The following VSX2 variants were observed in gnomAD, a reference collection of about 807,000 sequenced individuals.
VSX2 encodes visual system homeobox 2.
A neutral mutation model predicts 32.1 loss-of-function variants in VSX2; 28 were observed. That is an observed-to-expected ratio of 0.87 (90% CI 0.65 to 1.20). The LOEUF (loss-of-function observed/expected upper bound fraction) is 1.20. Ranked by LOEUF, VSX2 falls within the 50% of genes most tolerant of loss-of-function variation. The pLI, the probability that VSX2 is intolerant of heterozygous loss-of-function variation, is 0.00. For missense variants in VSX2, 506 were observed against 488.7 expected, an observed-to-expected ratio of 1.04 and a Z score of -0.33; for synonymous variants, 243 against 214.1, an observed-to-expected ratio of 1.14 and a Z score of -1.18.
intron 1 of VSX2, among the ~76,000 whole-genome samples, chr14:74,240,150 G>A (rs2079139909): frequency 6.6e-6 from 1 of 152,206 alleles, no homozygotes; most frequent in Non-Finnish European, 1.5e-5. Flanking sequence ...GGGCGGCCGC[G>A]CAGTTCTCCA....
intron 3 of VSX2, among the ~76,000 whole-genome samples, chr14:74,254,784 A>ATTTTTTTTTTTTTTTTTTTTTTT (rs537753574): frequency 0.056 from 6,471 of 115,476 alleles, 1,104 homozygotes; most frequent in East Asian, 0.099. Context: ...CGAAAAGTGG[A>ATTTTTTTTTTTTTTTTTTTTTTT]TTTTTTTTTT....
chr14:74,245,532 G>A (rs2079186914), intron 3 of VSX2, among the ~76,000 whole-genome samples: 1 of 152,150 alleles, frequency 6.6e-6, no homozygotes, highest in Non-Finnish European at 1.5e-5. Context: ...CGGGGAGTAT[G>A]TCAGACAGAC....
rs45608043 is a variant in VSX2, at chr14:74,261,774, G to A, written c.*855G>A. On this transcript the variant is annotated 3_prime_UTR_variant, in exon 5 of 5. Coordinates refer to ENST00000261980, the MANE Select transcript of VSX2 (RefSeq NM_182894.3). ...TCCAAACCTTCTACCCTGGGTCCTC[G>A]GGCCCCTGAGCCTGTGTCCTGAAGA... 4.2e-3 allele frequency: 644 copies of A among 152,444 alleles called. 5 individuals carry two copies. Among genetic ancestry groups the A allele is most frequent in the Non-Finnish European group, 7.0e-3 (477 of 68,184 alleles). The allele number at this position is 152,444 out of a possible 1,614,324, so 9.4% of individuals were successfully genotyped here.
At chr14:74,259,037 G>T (rs899243056) in intron 3 of VSX2, among the ~76,000 whole-genome samples, 1 of 152,196 alleles carries the variant, frequency 6.6e-6, no homozygotes, top group Non-Finnish European at 1.5e-5. Context: ...CCAGGCCTCC[G>T]AGGGGAGTCT....
intron 2 of VSX2, 101 bp downstream of exon 2, chr14:74,241,367 A>T: frequency 7.6e-7 from 1 of 1,319,990 alleles, no homozygotes; most frequent in Non-Finnish European, 1.1e-6. Flanking sequence ...CCGACAACGG[A>T]TCTGAGGTCC....
chr14:74,239,591 C>A lies in VSX2; in HGVS notation c.30C>A (p.Ser10Arg). The A allele has an allele frequency of 6.4e-7, 1 of 1,551,394 alleles. No individual in the cohort carries two copies. The highest frequency in any genetic ancestry group is 8.7e-7 in the Non-Finnish European group (1 of 1,147,008). The stretch of plus-strand genomic sequence containing the variant: ...CGGGGAAAGCAGGGGAAGCGCTGAG[C>A]AAGCCCAAATCCGAGACAGTGGCCA... MTGKAGEAL[S>R]KPKSETVAKS... Residue 10 changes from serine to arginine, a missense_variant, in exon 1 of 5, where the codon AGC (serine) becomes AGA (arginine). Transcript: ENST00000261980.
In VSX2 at chr14:74,244,881, AGTGTGTGT is replaced by A. The variant is rs57885912; in HGVS notation, c.456-242_456-235del. Among the ~76,000 whole-genome samples the A allele has an allele frequency of 0.027, 1,381 of 51,310 alleles. 102 individuals carry two copies. Among genetic ancestry groups the A allele is most frequent in the African/African-American group, 0.067 (1,046 of 15,658 alleles). 33.7% of individuals were successfully genotyped at this position (51,310 alleles called of 152,430 possible). ...AACTATGAGACAGAGAGAGAGAGAA[AGTGTGTGT>A]GTGTGTGTGTGTGTGTGTGTGTGTG... is the stretch of plus-strand genomic sequence containing the variant. On this transcript the variant is annotated intron_variant, in intron 2 of 4. Coordinates refer to ENST00000261980, the MANE Select transcript of VSX2 (RefSeq NM_182894.3).
rs531749027 is a variant in VSX2, at chr14:74,246,317, G to T, written c.579+1029G>T. 5.3e-5 allele frequency among the ~76,000 whole-genome samples: 8 copies of T among 152,314 alleles called. No homozygotes were observed. In the East Asian group the frequency reaches 1.5e-3, roughly 29 times the overall value. ...CCAGTCTAGGTTCCTTGTATCTCCAGGTGTGATGTGTGCCTGGGAGGCCGG... is the reference window on the plus strand; with the variant it reads ...CCAGTCTAGGTTCCTTGTATCTCCATGTGTGATGTGTGCCTGGGAGGCCGG... On this transcript the variant is annotated intron_variant, in intron 3 of 4. Transcript: ENST00000261980.
At position 74,239,638 on chromosome 14, in the gene VSX2, C is replaced by G. The variant is rs959675350; in HGVS notation, c.77C>G (p.Pro26Arg). 1 of 1,550,828 alleles carries G rather than the reference C, an allele frequency of 6.4e-7. No homozygotes were observed. The highest frequency in any genetic ancestry group is 8.7e-7 in the Non-Finnish European group (1 of 1,146,946). ...TVAKSTSGGA[P>R]ARCTGFGIQE... Reference sequence around the variant, plus strand: ...GCCAAGAGTACCTCGGGGGGCGCCCCGGCCAGGTGCACTGGGTTCGGCATC... The same window carrying G: ...GCCAAGAGTACCTCGGGGGGCGCCCGGGCCAGGTGCACTGGGTTCGGCATC... The change falls in exon 1 of 5, where the codon CCG (proline) becomes CGG (arginine). Residue 26 changes from proline to arginine, a missense_variant. Pro to Arg is a moderately radical substitution (Grantham distance 103). Transcript: ENST00000261980.
intron 3 of VSX2, among the ~76,000 whole-genome samples, chr14:74,252,389 TC>T (rs67190765): frequency 0.44 from 65,549 of 148,042 alleles, 15,882 homozygotes; most frequent in Admixed American, 0.55. Flanking sequence ...GGCTTTCTTT[TC>T]TTTCTTTTTT....
chr14:74,244,383 T>G (rs2024242), intron 2 of VSX2, among the ~76,000 whole-genome samples: 60,045 of 151,622 alleles, frequency 0.4, 12,512 homozygotes, highest in East Asian at 0.67. Flanking sequence ...CAGCACAGAA[T>G]AGGACTGGAA....
At chr14:74,241,606 C>G (rs888941512) in intron 2 of VSX2, among the ~76,000 whole-genome samples, 1 of 152,224 alleles carries the variant, frequency 6.6e-6, no homozygotes, top group Non-Finnish European at 1.5e-5. Context: ...CCACACAGAC[C>G]CGGCGGCGGG....
At chr14:74,254,646 T>G (rs1403179936) in intron 3 of VSX2, among the ~76,000 whole-genome samples, 1 of 152,178 alleles carries the variant, frequency 6.6e-6, no homozygotes, top group Non-Finnish European at 1.5e-5. Context: ...ATTGATTAAC[T>G]TGCCTTCCGG....
rs1566884422 is a variant in VSX2, at chr14:74,244,921, T to TAAA, written c.456-244_456-243insAAA. On this transcript the variant is annotated intron_variant, in intron 2 of 4. Coordinates refer to ENST00000261980, the MANE Select transcript of VSX2 (RefSeq NM_182894.3). ...GTGTGTGTGTGTGTGTGTGTGTGTG[T>TAAA]GTGTGTGTGAAAGAGAGAGAGAAAG... Among the ~76,000 whole-genome samples the TAAA allele has an allele frequency of 0.013, 488 of 36,302 alleles. 3 individuals carry two copies. The highest frequency in any genetic ancestry group is 0.03 in the Non-Finnish European group (354 of 11,890). The allele number at this position is 36,302 out of a possible 152,430, so 23.8% of individuals were successfully genotyped here.
At chr14:74,258,449 G>T (rs1301678192) in intron 3 of VSX2, among the ~76,000 whole-genome samples, 1 of 152,136 alleles carries the variant, frequency 6.6e-6, no homozygotes, top group Non-Finnish European at 1.5e-5. Flanking sequence ...CAAGGAAATC[G>T]GGAGGAAATG....
chr14:74,245,996 C>A (rs932189815), intron 3 of VSX2, among the ~76,000 whole-genome samples: 5 of 152,238 alleles, frequency 3.3e-5, no homozygotes, highest in African/African-American at 9.6e-5. Flanking sequence ...GGGGCCTCCA[C>A]TTAGCGGCAG....
At chr14:74,252,810 G>C (rs1268045465) in intron 3 of VSX2, among the ~76,000 whole-genome samples, 2 of 151,964 alleles carry the variant, frequency 1.3e-5, no homozygotes, top group Non-Finnish European at 2.9e-5. Flanking sequence ...CACTTTGGGA[G>C]GCCTCGGAGG....
chr14:74,254,658 T>C (rs10150826), intron 3 of VSX2, among the ~76,000 whole-genome samples: 85,734 of 151,940 alleles, frequency 0.56, 25,663 homozygotes, highest in East Asian at 0.9. Context: ...GCCTTCCGGG[T>C]AGGCTCCCAT....
intron 3 of VSX2, among the ~76,000 whole-genome samples, chr14:74,247,105 G>C (rs4903212): frequency 0.37 from 56,181 of 151,810 alleles, 13,227 homozygotes; most frequent in Non-Finnish European, 0.51. Flanking sequence ...TGAGGAAAGA[G>C]TCTCAGAGCC....
Sources: allele counts gnomAD v4.1 joint callset (sites outside exome capture counted in the v4.1 genomes callset), GRCh38; gene constraint gnomAD v4.1.1; transcripts MANE v1.5; gene names NCBI Gene and HGNC (gene_info 2026-07-23, HGNC 2026-07-21).